The following DOCK8 variants were observed in gnomAD, a reference collection of about 807,000 sequenced individuals.
DOCK8 encodes the protein dedicator of cytokinesis 8, also known as dedicator of cytokinesis protein 8.
In DOCK8, 141 loss-of-function variants were observed where a neutral mutation model predicts 245.6. The observed-to-expected ratio is 0.57, with a 90% CI of 0.50 to 0.66. The LOEUF is 0.66. DOCK8 is among the 30% of genes least tolerant of loss of function. DOCK8 has a pLI of 0.00. For synonymous variants in DOCK8, 1,168 were observed against 970.2 expected (o/e 1.20, Z -3.79); for missense variants, 2,965 against 2,603.4 (o/e 1.14, Z -3.02).
At chr9:224,716 C>T (rs189526787) in intron 1 of DOCK8, among the ~76,000 whole-genome samples, 13 of 152,138 alleles carry the variant, frequency 8.5e-5, no homozygotes, top group African/African-American at 2.9e-4. Context: ...GGAAATTACA[C>T]TTGGGGTCTG....
intron 1 of DOCK8, among the ~76,000 whole-genome samples, chr9:218,205 T>A (rs1397585829): frequency 2.0e-5 from 3 of 152,180 alleles, no homozygotes; most frequent in Admixed American, 6.5e-5. Flanking sequence ...CAGCATGTGC[T>A]CATGTTTTTC....
At chr9:212,170 A>C (rs1563809102), upstream of DOCK8, among the ~76,000 whole-genome samples, 1 of 152,134 alleles carries the variant, frequency 6.6e-6, no homozygotes, top group South Asian at 2.1e-4. Flanking sequence ...AATTTTTATA[A>C]AGGACTTGGA....
intron 29 of DOCK8, among the ~76,000 whole-genome samples, chr9:415,788 G>T (rs2131608147): frequency 6.6e-6 from 1 of 152,246 alleles, no homozygotes; most frequent in East Asian, 1.9e-4. Context: ...CTGCTCTCTT[G>T]GCAGCTGAAG....
intron 4 of DOCK8, among the ~76,000 whole-genome samples, chr9:304,272 C>T (rs2049703040): frequency 6.6e-6 from 1 of 152,182 alleles, no homozygotes; most frequent in African/African-American, 2.4e-5. Context: ...ACACTAGGGT[C>T]ATAGTTTAGC....
At chr9:403,967 T>C (rs1258382026) in intron 26 of DOCK8, among the ~76,000 whole-genome samples, 3 of 91,126 alleles carry the variant, frequency 3.3e-5, no homozygotes, top group African/African-American at 2.1e-4. Context: ...TATGTATATA[T>C]ATATATATGT....
At chr9:243,627 T>C (rs1201015177) in intron 1 of DOCK8, among the ~76,000 whole-genome samples, 1 of 152,134 alleles carries the variant, frequency 6.6e-6, no homozygotes, top group Admixed American at 6.5e-5. Context: ...TTTGGACCAC[T>C]GCAGCGGTCC....
intron 18 of DOCK8, among the ~76,000 whole-genome samples, chr9:372,692 A>G (rs990198982): frequency 6.6e-6 from 1 of 152,160 alleles, no homozygotes; most frequent in Non-Finnish European, 1.5e-5. Flanking sequence ...ATACCAAGGT[A>G]TTTATTCTCC....
chr9:393,673 G>T (rs2054308999), intron 24 of DOCK8, among the ~76,000 whole-genome samples: 1 of 152,168 alleles, frequency 6.6e-6, no homozygotes, highest in African/African-American at 2.4e-5. Flanking sequence ...GTCCCTTATG[G>T]TAAACAGATG....
intron 24 of DOCK8, 74 bp from the exon 25 acceptor site, chr9:396,711 C>G: frequency 6.3e-7 from 1 of 1,585,536 alleles, no homozygotes; most frequent in Non-Finnish European, 8.7e-7. Context: ...TTCTGTGAGT[C>G]TTTCCCCCTT....
intron 20 of DOCK8, among the ~76,000 whole-genome samples, chr9:377,713 A>G (rs371940389): frequency 1.4e-4 from 21 of 152,340 alleles, no homozygotes; most frequent in African/African-American, 4.1e-4. Context: ...GCTACAATCT[A>G]GTTTTATAAC....
At chr9:239,445 A>T (rs1210257789) in intron 1 of DOCK8, among the ~76,000 whole-genome samples, 4 of 152,228 alleles carry the variant, frequency 2.6e-5, no homozygotes, top group Admixed American at 6.5e-5. Context: ...TAAGTAATGT[A>T]TGCAATATGA....
At chr9:226,099 T>C (rs188431146) in intron 1 of DOCK8, among the ~76,000 whole-genome samples, 1 of 152,196 alleles carries the variant, frequency 6.6e-6, no homozygotes, top group South Asian at 2.1e-4. Context: ...CTGGATAATT[T>C]ATAAAGAAAA....
chr9:403,915 TAC>T lies in DOCK8; in HGVS notation c.3235-1001_3235-1000del, dbSNP rs1192782528. On this transcript the variant is annotated intron_variant, in intron 26 of 47. Transcript: ENST00000432829. ...CTCTATATATATATATATATATATATACATATATATATATGTGTATATATATA... is the reference window on the plus strand; with the variant it reads ...CTCTATATATATATATATATATATATATATATATATATGTGTATATATATA... Among the ~76,000 whole-genome samples the T allele has an allele frequency of 4.5e-3, 363 of 80,730 alleles. 4 individuals are homozygous for T. Among genetic ancestry groups the T allele is most frequent in the African/African-American group, 0.019 (249 of 13,008 alleles). 53.0% of individuals were successfully genotyped at this position (80,730 alleles called of 152,430 possible). A position where few individuals can be genotyped will look rare whatever the true frequency, so the allele number is the denominator to read the frequency against.
chr9:408,689 G>C (rs944470292), intron 28 of DOCK8, among the ~76,000 whole-genome samples: 1 of 152,142 alleles, frequency 6.6e-6, no homozygotes, highest in Non-Finnish European at 1.5e-5. Context: ...AACATCTTTA[G>C]TATTTACAAT....
At chr9:308,197 A>G (rs2049935712) in intron 5 of DOCK8, among the ~76,000 whole-genome samples, 2 of 152,358 alleles carry the variant, frequency 1.3e-5, no homozygotes, top group South Asian at 4.1e-4. Flanking sequence ...TAGCTAGAAG[A>G]AAGGATTTTG....
rs1358326327 is a variant in DOCK8 at position 334,433 on chromosome 9, T to G, written c.1285+49T>G. On this transcript the variant is annotated intron_variant, in intron 11 of 47. Coordinates refer to ENST00000432829, the MANE Select transcript of DOCK8 (RefSeq NM_203447.4). Reference sequence around the variant, plus strand: ...AAAGGGAGGGCTCCCCAGTGTGCGCTGCCCAGGTCCACAGCTTACTAGCGG... The same window carrying G: ...AAAGGGAGGGCTCCCCAGTGTGCGCGGCCCAGGTCCACAGCTTACTAGCGG... The G allele has an allele frequency of 4.4e-6, 7 of 1,592,312 alleles. No homozygotes were observed. In the South Asian group the frequency reaches 6.7e-5, roughly 15 times the overall value.
Position 428,491 on chromosome 9 carries a change from G to A in DOCK8, c.4468G>A (p.Ala1490Thr), listed in dbSNP as rs144405517. ...HCFATLRALI[A>T]KFGDLLFEEE... ...CTTTGCAACACTCCGTGCTCTCATC[G>A]CCAAGGTAAACTTGGGATGCTTGTT... Residue 1490 changes from alanine (A) to threonine (T), a missense_variant, in exon 35 of 48, where the codon GCC (alanine) becomes ACC (threonine). This residue lies in a region of DOCK8 where 2,825 missense variants were observed against 2,453.5 expected (regional missense o/e 1.15). Transcript: ENST00000432829. The A allele has an allele frequency of 1.2e-5, 20 of 1,613,988 alleles. No homozygotes were observed. The highest frequency in any genetic ancestry group is 8.0e-5 in the African/African-American group (6 of 74,912).
chr9:376,884 C>T (rs1205017202), intron 19 of DOCK8, 93 bp from the exon 20 acceptor site: 4 of 1,127,716 alleles, frequency 3.5e-6, no homozygotes, highest in Non-Finnish European at 3.9e-6. Context: ...ATAAGAGGTT[C>T]TACCCATAAA....
intron 4 of DOCK8, among the ~76,000 whole-genome samples, chr9:300,490 C>G (rs543000985): frequency 6.6e-6 from 1 of 151,216 alleles, no homozygotes; most frequent in South Asian, 2.1e-4. Context: ...AAACAAATAA[C>G]CAAAATCAGA....
Sources: allele counts gnomAD v4.1 joint callset (sites outside exome capture counted in the v4.1 genomes callset), GRCh38; gene constraint gnomAD v4.1.1; regional missense constraint gnomAD v4.1.1; transcripts MANE v1.5; gene names NCBI Gene and HGNC (gene_info 2026-07-23, HGNC 2026-07-21).